Variants in LOC400499 observed in about 807,000 individuals in gnomAD.
the LOC400499 span, among the ~76,000 whole-genome samples, chr16:11,400,624 A>G: frequency 2.6e-5 from 4 of 152,146 alleles, no homozygotes; most frequent in South Asian, 6.2e-4. Flanking sequence ...TATTTTTAGT[A>G]GAGACAGGAT....
At chr16:11,384,064 G>C in the LOC400499 span, 2 of 1,231,514 alleles carry the variant, frequency 1.6e-6, no homozygotes, top group Non-Finnish European at 2.0e-6. Flanking sequence ...GCTCCCCCGC[G>C]TACACTGGCC....
At chr16:11,414,372 G>C in the LOC400499 span, 1 of 399,526 alleles carries the variant, frequency 2.5e-6, no homozygotes, top group Non-Finnish European at 4.4e-6. Context: ...CCAGCCTCTG[G>C]AGAGCAGGCA....
At chr16:11,492,426 C>T in the LOC400499 span, among the ~76,000 whole-genome samples, 1 of 152,104 alleles carries the variant, frequency 6.6e-6, no homozygotes, top group Non-Finnish European at 1.5e-5. Context: ...AGCCCCTGTC[C>T]ACCTGAAGCT....
chr16:11,384,931 C>T, the LOC400499 span: 2 of 1,232,216 alleles, frequency 1.6e-6, no homozygotes, highest in South Asian at 4.1e-5. Flanking sequence ...GGCCGGTGGG[C>T]ACGTCACAGG....
the LOC400499 span, among the ~76,000 whole-genome samples, chr16:11,411,764 T>C: frequency 6.6e-6 from 1 of 152,044 alleles, no homozygotes; most frequent in Non-Finnish European, 1.5e-5. Context: ...TTTAACCCCC[T>C]GACTCCCTCC....
the LOC400499 span, among the ~76,000 whole-genome samples, chr16:11,395,043 A>G: frequency 6.6e-6 from 1 of 152,072 alleles, no homozygotes; most frequent in African/African-American, 2.4e-5. Context: ...ACAGCCCAGG[A>G]CTCCTGTGGA....
chr16:11,490,974 T>C, the LOC400499 span, among the ~76,000 whole-genome samples: 1 of 152,250 alleles, frequency 6.6e-6, no homozygotes. Context: ...GCAGTAGTGA[T>C]AACAACATTA....
At chr16:11,396,211 A>G in the LOC400499 span, among the ~76,000 whole-genome samples, 1 of 152,340 alleles carries the variant, frequency 6.6e-6, no homozygotes, top group Admixed American at 6.5e-5. Flanking sequence ...GGAGGCAGCT[A>G]GGCTGGGATT....
chr16:11,406,773 C>T, the LOC400499 span, among the ~76,000 whole-genome samples: 21,224 of 152,272 alleles, frequency 0.14, 1,638 homozygotes, highest in Middle Eastern at 0.25. Context: ...TCATCCACCG[C>T]TAGCTCATGT....
chr16:11,512,668 A>G, the LOC400499 span, among the ~76,000 whole-genome samples: 3,737 of 152,296 alleles, frequency 0.025, 149 homozygotes, highest in African/African-American at 0.086. Flanking sequence ...TGAATATACT[A>G]AAAACCACTG....
the LOC400499 span, among the ~76,000 whole-genome samples, chr16:11,385,587 C>T: frequency 2.6e-4 from 40 of 152,222 alleles, no homozygotes; most frequent in Admixed American, 2.0e-3. Flanking sequence ...GATCCCCCAC[C>T]GGCTTCAAGA....
At chr16:11,447,480 G>A in the LOC400499 span, among the ~76,000 whole-genome samples, 2 of 152,132 alleles carry the variant, frequency 1.3e-5, no homozygotes, top group Admixed American at 6.6e-5. Context: ...ATAAAAACAC[G>A]AACGAACACT....
the LOC400499 span, among the ~76,000 whole-genome samples, chr16:11,403,136 C>T: frequency 6.6e-6 from 1 of 152,292 alleles, no homozygotes; most frequent in Non-Finnish European, 1.5e-5. Flanking sequence ...TTTCCCAGAC[C>T]CCACAGCAGG....
At chr16:11,425,122 T>G in the LOC400499 span, 1 of 398,900 alleles carries the variant, frequency 2.5e-6, no homozygotes, top group Non-Finnish European at 4.4e-6. Flanking sequence ...CCACTCGTCC[T>G]ACCTGCATCA....
chr16:11,446,362 C>T, the LOC400499 span, among the ~76,000 whole-genome samples: 2 of 151,980 alleles, frequency 1.3e-5, no homozygotes, highest in African/African-American at 4.8e-5. Context: ...TTCCATATGT[C>T]GCCCAGATGG....
At chr16:11,393,751 G>C in the LOC400499 span, among the ~76,000 whole-genome samples, 1 of 152,286 alleles carries the variant, frequency 6.6e-6, no homozygotes, top group South Asian at 2.1e-4. Flanking sequence ...CCCTGTCTAA[G>C]GCTGCCAGTG....
the LOC400499 span, chr16:11,518,850 G>C: frequency 0.69 from 273,853 of 398,814 alleles, 95,199 homozygotes; most frequent in Admixed American, 0.74. Flanking sequence ...AGGGCTCACA[G>C]CTCCAGCCCC....
the LOC400499 span, chr16:11,404,756 G>T: frequency 1.0e-5 from 4 of 398,896 alleles, no homozygotes; most frequent in Non-Finnish European, 1.3e-5. Flanking sequence ...AAAGGCTCCC[G>T]GTGAGGGCCA....
the LOC400499 span, chr16:11,488,676 G>A: frequency 3.6e-4 from 143 of 398,782 alleles, no homozygotes; most frequent in African/African-American, 2.7e-3. Context: ...TGTGGTTCCA[G>A]AGCAGGACAG....
Sources: allele counts gnomAD v4.1 joint callset (sites outside exome capture counted in the v4.1 genomes callset), GRCh38; gene constraint gnomAD v4.1.1; transcripts MANE v1.5.